CREM: variants seen among roughly 807,000 people sequenced by gnomAD.
The protein encoded by CREM is cAMP responsive element modulator, also known as cAMP-responsive element modulator.
CREM carries 13 observed loss-of-function variants against 37.3 expected under a neutral mutation model. The observed-to-expected ratio is 0.35, with a 90% CI of 0.23 to 0.55. The LOEUF (loss-of-function observed/expected upper bound fraction) is 0.55, where lower values mean the gene tolerates loss of function less well. Among genes scored for constraint, CREM ranks in the 20% least tolerant of loss-of-function variants. The probability of loss-of-function intolerance (pLI) is 0.88; values close to 1 mark genes in which losing one functional copy is unlikely to be tolerated. For synonymous variants in CREM, 124 were observed against 120.2 expected, an observed-to-expected ratio of 1.03 and a Z score of -0.21; for missense variants, 296 against 362.3, an observed-to-expected ratio of 0.82 and a Z score of 1.49.
intron 1 of CREM, among the ~76,000 whole-genome samples, chr10:35,134,655 C>G (rs1430143588): frequency 6.6e-6 from 1 of 152,196 alleles, no homozygotes; most frequent in Non-Finnish European, 1.5e-5. Context: ...TCAGATTTCA[C>G]CATTTGTTCC....
intron 3 of CREM, among the ~76,000 whole-genome samples, chr10:35,172,105 CT>C (rs2093848165): frequency 6.6e-6 from 1 of 151,358 alleles, no homozygotes; most frequent in East Asian, 2.0e-4. Context: ...TCAATGAAGT[CT>C]TCTTTTTGTG....
chr10:35,194,322 TA>T (rs11476558), intron 6 of CREM, among the ~76,000 whole-genome samples: 50,109 of 151,616 alleles, frequency 0.33, 8,401 homozygotes, highest in South Asian at 0.35. Flanking sequence ...ATTTGACATT[TA>T]AAAAAAATGT....
In CREM at chr10:35,188,308, C is replaced by A; in HGVS notation, c.518C>A (p.Ala173Asp). 6.2e-7 allele frequency: 1 copy of A among 1,614,176 alleles called. No homozygotes were observed. ...MTNSGAPPPG[A>D]TIVQYAAQSA... ...AATTCAGGAGCTCCTCCACCAGGTGCTACAATTGTACAGTACGCAGCACAA... is the reference window on the plus strand; with the variant it reads ...AATTCAGGAGCTCCTCCACCAGGTGATACAATTGTACAGTACGCAGCACAA... The change falls in exon 6 of 8, where the codon GCT becomes GAT. Residue 173 changes from alanine (A) to aspartate (D), a missense_variant. Ala to Asp is a moderately radical substitution (Grantham distance 126, BLOSUM62 -2). Around this residue, in one of 2 missense-constraint regions of CREM, gnomAD observed 257 missense variants for 280.2 expected, o/e 0.92. Transcript: ENST00000685392.
At chr10:35,191,914 T>A (rs564852846) in intron 6 of CREM, among the ~76,000 whole-genome samples, 2 of 146,834 alleles carry the variant, frequency 1.4e-5, no homozygotes, top group Admixed American at 1.4e-4. Flanking sequence ...ACTCTTCCTA[T>A]CTTCAGTGAT....
intron 3 of CREM, among the ~76,000 whole-genome samples, chr10:35,172,930 G>T (rs897506240): frequency 6.6e-6 from 1 of 152,166 alleles, no homozygotes. Context: ...GGTGTTTATT[G>T]TCACAAGCTT....
At chr10:35,203,911 A>G (rs1238929982) in intron 6 of CREM, among the ~76,000 whole-genome samples, 1 of 152,144 alleles carries the variant, frequency 6.6e-6, no homozygotes, top group African/African-American at 2.4e-5. Flanking sequence ...ACCAAGGTCC[A>G]TATCCATGCT....
chr10:35,176,074 T>C, intron 3 of CREM: 2 of 1,493,326 alleles, frequency 1.3e-6, no homozygotes, highest in Non-Finnish European at 1.8e-6. Context: ...AATTCATTTA[T>C]CATTTTTCTT....
chr10:35,209,192 T>C (rs2095608785), intron 7 of CREM: 2 of 500,026 alleles, frequency 4.0e-6, no homozygotes, highest in Non-Finnish European at 5.2e-6. Flanking sequence ...TGTGAGGCTT[T>C]AGTCATTCAC....
intron 6 of CREM, among the ~76,000 whole-genome samples, chr10:35,206,173 A>G (rs895922079): frequency 6.6e-6 from 1 of 150,958 alleles, no homozygotes. Context: ...GCATGAACCC[A>G]GGAGGCGGAG....
intron 5 of CREM, among the ~76,000 whole-genome samples, chr10:35,181,353 T>C (rs1178415788): frequency 5.9e-5 from 9 of 152,180 alleles, no homozygotes; most frequent in African/African-American, 1.9e-4. Flanking sequence ...GAAAAAGACA[T>C]GCTACTATTG....
At chr10:35,185,597 G>T (rs2094524816) in intron 5 of CREM, among the ~76,000 whole-genome samples, 1 of 152,218 alleles carries the variant, frequency 6.6e-6, no homozygotes, top group Admixed American at 6.5e-5. Flanking sequence ...ATACTTGTAA[G>T]AAGTTAGTTA....
intron 3 of CREM, among the ~76,000 whole-genome samples, chr10:35,149,857 A>C (rs2092444912): frequency 6.8e-6 from 1 of 146,576 alleles, no homozygotes; most frequent in African/African-American, 2.5e-5. Flanking sequence ...ACTGAGAGAC[A>C]GGCATTTAGG....
rs1267646418 is a variant in CREM at position 35,187,059 on chromosome 10, A to G, written c.410-1141A>G. Among the ~76,000 whole-genome samples, 3 of 64,498 alleles carry G rather than the reference A, an allele frequency of 4.7e-5. No individual in the cohort carries two copies. The East Asian group carries it at 1.6e-3, about 35-fold the overall frequency. 42.3% of individuals were successfully genotyped at this position (64,498 alleles called of 152,430 possible). ...AATATATATTATATATAATTAATAT[A>G]TATAATTAATATAATAATATATATA... On this transcript the variant is annotated intron_variant, in intron 5 of 7. Coordinates refer to ENST00000685392, the MANE Select transcript of CREM (RefSeq NM_183011.2).
intron 6 of CREM, among the ~76,000 whole-genome samples, chr10:35,205,997 C>T (rs1182967905): frequency 1.3e-5 from 2 of 151,480 alleles, no homozygotes; most frequent in Non-Finnish European, 2.9e-5. Flanking sequence ...ACCTGTAATC[C>T]CAGCACTTTG....
intron 3 of CREM, among the ~76,000 whole-genome samples, chr10:35,161,763 G>A (rs1004222909): frequency 6.6e-6 from 1 of 152,082 alleles, no homozygotes; most frequent in Admixed American, 6.5e-5. Flanking sequence ...TTATCAAAAT[G>A]ACAAAAGATA....
chr10:35,173,433 G>T (rs954004558), intron 3 of CREM, among the ~76,000 whole-genome samples: 1 of 152,156 alleles, frequency 6.6e-6, no homozygotes, highest in Non-Finnish European at 1.5e-5. Context: ...GCTATCTTCA[G>T]TTAAACCTGA....
At chr10:35,153,199 A>G (rs1200651158) in intron 3 of CREM, among the ~76,000 whole-genome samples, 1 of 152,180 alleles carries the variant, frequency 6.6e-6, no homozygotes, top group African/African-American at 2.4e-5. Context: ...CACTGTGATC[A>G]TGCCTATGAA....
At chr10:35,167,135 C>T (rs764566989) in intron 3 of CREM, among the ~76,000 whole-genome samples, 10 of 151,978 alleles carry the variant, frequency 6.6e-5, no homozygotes, top group Admixed American at 2.6e-4. Context: ...AGCAAGACTC[C>T]GTCTCAGTGG....
At chr10:35,191,557 CT>C (rs1229260563) in intron 6 of CREM, among the ~76,000 whole-genome samples, 5 of 152,284 alleles carry the variant, frequency 3.3e-5, no homozygotes, top group Admixed American at 2.0e-4. Flanking sequence ...CTCCCTTCAT[CT>C]CACTGAAGGG....
Sources: gnomAD v4.1 joint callset for allele counts (sites outside exome capture counted in the v4.1 genomes callset) on GRCh38, gnomAD v4.1.1 for gene constraint, gnomAD v4.1.1 regional missense constraint, MANE v1.5 for transcripts, NCBI Gene and HGNC (gene_info 2026-07-23, HGNC 2026-07-21) for gene names.